Variants in ADAMTSL1 observed in about 807,000 individuals in gnomAD.
The protein encoded by ADAMTSL1 is ADAMTS-like protein 1.
A neutral mutation model predicts 201.8 loss-of-function variants in ADAMTSL1; 126 were observed. That is an observed-to-expected ratio of 0.62 (90% CI 0.54 to 0.72). The LOEUF (loss-of-function observed/expected upper bound fraction) is 0.72. Among genes scored for constraint, ADAMTSL1 ranks in the 30% least tolerant of loss-of-function variants. ADAMTSL1 has a pLI of 0.00. For missense variants in ADAMTSL1, 2,679 were observed against 2,277.8 expected, an observed-to-expected ratio of 1.18 and a Z score of -3.59; for synonymous variants, 1,121 against 903.4, an observed-to-expected ratio of 1.24 and a Z score of -4.32.
chr9:18,790,144 T>G (rs555807718), intron 19 of ADAMTSL1, among the ~76,000 whole-genome samples: 1 of 152,212 alleles, frequency 6.6e-6, no homozygotes, highest in Non-Finnish European at 1.5e-5. Flanking sequence ...TGAGACCTTT[T>G]TACTTGGAAA....
chr9:18,365,059 A>G (rs9406745), intron 2 of ADAMTSL1, among the ~76,000 whole-genome samples: 65,252 of 151,570 alleles, frequency 0.43, 14,416 homozygotes, highest in Middle Eastern at 0.49. Context: ...TGACCCAGAT[A>G]ATGTACCCTA....
chr9:18,255,244 A>C (rs1005850558), intron 2 of ADAMTSL1, among the ~76,000 whole-genome samples: 1 of 152,204 alleles, frequency 6.6e-6, no homozygotes, highest in East Asian at 1.9e-4. Context: ...AACTCCACAC[A>C]GAAACCACTA....
intron 2 of ADAMTSL1, among the ~76,000 whole-genome samples, chr9:18,283,213 A>G (rs1007343447): frequency 1.3e-5 from 2 of 152,024 alleles, no homozygotes; most frequent in Non-Finnish European, 2.9e-5. Flanking sequence ...TTCTCTAGCA[A>G]TATTTTTGTC....
chr9:18,794,631 T>TTTG (rs1563806811), intron 19 of ADAMTSL1, among the ~76,000 whole-genome samples: 108 of 142,302 alleles, frequency 7.6e-4, no homozygotes, highest in African/African-American at 2.7e-3. Context: ...TTGTTGTTTT[T>TTTG]TTTTGTTGTT....
intron 2 of ADAMTSL1, among the ~76,000 whole-genome samples, chr9:18,240,755 C>T (rs1265567768): frequency 1.3e-5 from 2 of 152,180 alleles, no homozygotes; most frequent in Non-Finnish European, 2.9e-5. Flanking sequence ...AATCTGTTGT[C>T]TAGTGCAGCC....
intron 1 of ADAMTSL1, among the ~76,000 whole-genome samples, chr9:17,945,171 T>A (rs983447616): frequency 1.9e-4 from 26 of 139,392 alleles, no homozygotes; most frequent in African/African-American, 6.5e-4. Flanking sequence ...GAACAGACAC[T>A]TCTCAAAAGA....
chr9:18,216,382 T>C (rs888399777), intron 2 of ADAMTSL1, among the ~76,000 whole-genome samples: 23 of 152,146 alleles, frequency 1.5e-4, no homozygotes, highest in Admixed American at 4.6e-4. Context: ...TGCCAGGTTA[T>C]AGCTGTTGAT....
intron 2 of ADAMTSL1, among the ~76,000 whole-genome samples, chr9:18,232,683 C>T (rs530100886): frequency 6.6e-6 from 1 of 152,252 alleles, no homozygotes; most frequent in Admixed American, 6.5e-5. Flanking sequence ...TCTATTTCTG[C>T]TCTGAATCAT....
chr9:18,763,176 C>T (rs1192183117), intron 16 of ADAMTSL1, among the ~76,000 whole-genome samples: 1 of 152,138 alleles, frequency 6.6e-6, no homozygotes, highest in Non-Finnish European at 1.5e-5. Flanking sequence ...TTTATTATTG[C>T]CTGTCTTTTT....
intron 2 of ADAMTSL1, among the ~76,000 whole-genome samples, chr9:18,188,208 T>C (rs181591573): frequency 6.6e-6 from 1 of 152,288 alleles, no homozygotes. Context: ...CATACATTCA[T>C]GTAAAATCTG....
chr9:18,568,757 A>C (rs978487032), intron 3 of ADAMTSL1, among the ~76,000 whole-genome samples: 1 of 147,886 alleles, frequency 6.8e-6, no homozygotes, highest in Non-Finnish European at 1.5e-5. Flanking sequence ...ACTACAGTAC[A>C]TGTAGTCATC....
intron 1 of ADAMTSL1, among the ~76,000 whole-genome samples, chr9:18,065,739 G>T (rs1320723682): frequency 6.6e-6 from 1 of 152,138 alleles, no homozygotes; most frequent in Non-Finnish European, 1.5e-5. Flanking sequence ...CCAGCACTTT[G>T]GGAGGCCGAG....
chr9:18,110,162 G>C (rs1212230488), intron 1 of ADAMTSL1, among the ~76,000 whole-genome samples: 1 of 152,040 alleles, frequency 6.6e-6, no homozygotes, highest in East Asian at 1.9e-4. Flanking sequence ...GCATTCTCTT[G>C]GGTGCCTGAG....
intron 1 of ADAMTSL1, among the ~76,000 whole-genome samples, chr9:18,148,568 C>G (rs1035920890): frequency 2.0e-5 from 3 of 152,028 alleles, no homozygotes; most frequent in Non-Finnish European, 2.9e-5. Context: ...TCTACAGAAA[C>G]TTACCTATAA....
chr9:18,099,446 GTTTCA>G (rs1283584604), intron 1 of ADAMTSL1, among the ~76,000 whole-genome samples: 1 of 143,006 alleles, frequency 7.0e-6, no homozygotes, highest in African/African-American at 2.6e-5. Context: ...GATATGAGGT[GTTTCA>G]TTTAATATGA....
At chr9:18,900,853 G>T (rs895825575) in intron 26 of ADAMTSL1, among the ~76,000 whole-genome samples, 3 of 152,062 alleles carry the variant, frequency 2.0e-5, no homozygotes, top group Admixed American at 1.3e-4. Flanking sequence ...CCAGCTGATG[G>T]GATGGTCTGT....
At chr9:18,640,776 A>T (rs1307349963) in intron 7 of ADAMTSL1, among the ~76,000 whole-genome samples, 1 of 151,872 alleles carries the variant, frequency 6.6e-6, no homozygotes, top group South Asian at 2.1e-4. Flanking sequence ...ATCTCTCAAC[A>T]TTGGTTTTTC....
At chr9:18,742,056 G>A (rs1203263959) in intron 15 of ADAMTSL1, among the ~76,000 whole-genome samples, 1 of 152,154 alleles carries the variant, frequency 6.6e-6, no homozygotes, top group Non-Finnish European at 1.5e-5. Flanking sequence ...CTTCCCCTCT[G>A]TGCATGTCTG....
intron 1 of ADAMTSL1, among the ~76,000 whole-genome samples, chr9:18,083,854 C>T (rs1823623801): frequency 6.6e-6 from 1 of 152,154 alleles, no homozygotes. Flanking sequence ...ATTTACTCCT[C>T]TTTTTTAGGG....
Sources: allele counts gnomAD v4.1 joint callset (sites outside exome capture counted in the v4.1 genomes callset), GRCh38; gene constraint gnomAD v4.1.1; transcripts MANE v1.5; gene names NCBI Gene and HGNC (gene_info 2026-07-23, HGNC 2026-07-21).